Variants in PTPRU observed in about 807,000 individuals in gnomAD.
PTPRU encodes receptor-type tyrosine-protein phosphatase U.
In PTPRU, 69 loss-of-function variants were observed where a neutral mutation model predicts 166.3. The observed-to-expected ratio is 0.41, with a 90% CI of 0.34 to 0.51. The LOEUF (loss-of-function observed/expected upper bound fraction) is 0.51, where lower values mean the gene tolerates loss of function less well. PTPRU is among the 20% of genes least tolerant of loss of function. The probability of loss-of-function intolerance (pLI) is 0.09; values close to 1 mark genes in which losing one functional copy is unlikely to be tolerated. For missense variants in PTPRU, 1,657 were observed against 2,013.7 expected (o/e 0.82, Z 3.39); for synonymous variants, 793 against 814.0 (o/e 0.97, Z 0.44).
At chr1:29,287,367 T>G (rs757545788) in intron 14 of PTPRU, among the ~76,000 whole-genome samples, 1 of 152,076 alleles carries the variant, frequency 6.6e-6, no homozygotes, top group Non-Finnish European at 1.5e-5. Context: ...TACTTACTTG[T>G]AGTGTTTTGC....
chr1:29,302,376 A>G (rs991022406), intron 15 of PTPRU, among the ~76,000 whole-genome samples: 3 of 152,182 alleles, frequency 2.0e-5, no homozygotes, highest in African/African-American at 7.2e-5. Context: ...CTATTTTTAA[A>G]TAAGTGTATT....
chr1:29,293,313 A>T (rs1686729292), intron 15 of PTPRU, among the ~76,000 whole-genome samples: 1 of 151,702 alleles, frequency 6.6e-6, no homozygotes, highest in South Asian at 2.1e-4. Flanking sequence ...GGGTTTCACC[A>T]TGTTAGCCAC....
intron 18 of PTPRU, among the ~76,000 whole-genome samples, chr1:29,309,810 G>C (rs192595983): frequency 6.6e-6 from 1 of 152,342 alleles, no homozygotes; most frequent in African/African-American, 2.4e-5. Context: ...GGAAGTTCAC[G>C]AGACCGGAGG....
intron 15 of PTPRU, among the ~76,000 whole-genome samples, chr1:29,302,927 T>C (rs1442740261): frequency 6.6e-6 from 1 of 152,222 alleles, no homozygotes; most frequent in East Asian, 1.9e-4. Flanking sequence ...TGTGTTATAA[T>C]TGCCTACAGT....
At chr1:29,255,462 C>T in intron 2 of PTPRU, 56 bp downstream of exon 2, 3 of 1,600,780 alleles carry the variant, frequency 1.9e-6, no homozygotes, top group Non-Finnish European at 2.6e-6. Flanking sequence ...GGCACTTCTA[C>T]CCACCTGCTG....
intron 8 of PTPRU, among the ~76,000 whole-genome samples, chr1:29,276,058 A>AT (rs914850269): frequency 1.3e-5 from 2 of 152,102 alleles, no homozygotes; most frequent in Non-Finnish European, 2.9e-5. Context: ...GGATATTCAG[A>AT]TTTTTTTATT....
rs1354822256 is a variant in PTPRU, at chr1:29,280,942, G to C, written c.1868+801G>C. On this transcript the variant is annotated intron_variant, in intron 11 of 29. Coordinates refer to ENST00000373779, the MANE Select transcript of PTPRU (RefSeq NM_133178.4). This position sits in a 1 kb window ranked among gnomAD's most constrained non-coding sequence, Gnocchi z 4.2. ...ATATCGGGAAACTGACTCAGAGCCT[G>C]AATCACTTGCCCTCAAGGCCACACA... is the stretch of plus-strand genomic sequence containing the variant. 6.6e-6 allele frequency among the ~76,000 whole-genome samples: 1 copy of C among 152,194 alleles called. No individual in the cohort carries two copies. Among genetic ancestry groups the C allele is most frequent in the Non-Finnish European group, 1.5e-5 (1 of 68,022 alleles).
chr1:29,315,563 G>C lies in PTPRU; in HGVS notation c.3363+56G>C. 1.9e-6 allele frequency: 3 copies of C among 1,607,538 alleles called. No individual in the cohort carries two copies. The highest frequency in any genetic ancestry group is 2.6e-6 in the Non-Finnish European group (3 of 1,175,480). ...ATTACTTCTAGGACTGGAGTTTCTC[G>C]TGAAGGATCCTGGAGCCGGCAGAGC... is the stretch of plus-strand genomic sequence containing the variant. On this transcript the variant is annotated intron_variant, in intron 23 of 29. Coordinates refer to ENST00000373779, the MANE Select transcript of PTPRU (RefSeq NM_133178.4). The surrounding 1 kb of genome is among the most constrained non-coding windows in gnomAD (Gnocchi z 4.5).
rs772758454 is a variant in PTPRU, at chr1:29,259,536, C to T, written c.647C>T (p.Ala216Val). The change falls in exon 5 of 30, where the codon GCG becomes GTG. Residue 216 changes from alanine to valine, a missense_variant. This residue lies in a region of PTPRU where 453 missense variants were observed against 496.9 expected (regional missense o/e 0.91). Coordinates refer to ENST00000373779, the MANE Select transcript of PTPRU (RefSeq NM_133178.4). ...ASFQCMAAGR[A>V]AEAERFLLQR... Reference sequence around the variant, plus strand: ...TTCCAGTGCATGGCCGCGGGCAGAGCGGCCGAGGCCGAACGCTTCCTCTTG... The same window carrying T: ...TTCCAGTGCATGGCCGCGGGCAGAGTGGCCGAGGCCGAACGCTTCCTCTTG... 1.5e-6 allele frequency: 2 copies of T among 1,353,780 alleles called. No homozygotes were observed. Among genetic ancestry groups the T allele is most frequent in the South Asian group, 2.3e-5 (2 of 87,500 alleles). 83.9% of individuals were successfully genotyped at this position (1,353,780 alleles called of 1,614,324 possible). A position where few individuals can be genotyped will look rare whatever the true frequency, so the allele number is the denominator to read the frequency against.
chr1:29,263,370 A>G (rs1685155604), intron 7 of PTPRU, among the ~76,000 whole-genome samples: 1 of 152,244 alleles, frequency 6.6e-6, no homozygotes, highest in Non-Finnish European at 1.5e-5. Flanking sequence ...GCTTAATAAT[A>G]TTCCATTATA....
In PTPRU at chr1:29,320,764, A is replaced by C. The variant is rs764231520; in HGVS notation, c.3767A>C (p.Tyr1256Ser). Residue 1256 changes from tyrosine (Y) to serine (S), a missense_variant, in exon 26 of 30, where the codon TAC becomes TCC. Physicochemically the swap from Tyr to Ser is moderately radical, Grantham distance 144. This residue lies in a region of PTPRU where 1,190 missense variants were observed against 1,477.4 expected (regional missense o/e 0.81). Transcript: ENST00000373779. This position sits in a 1 kb window ranked among gnomAD's most constrained non-coding sequence, Gnocchi z 5.2. ...STTPDFWRLVYDYGCTSIVML... is the reference protein window; with the variant it reads ...STTPDFWRLVSDYGCTSIVML... Reference sequence around the variant, plus strand: ...ACGCCCGACTTCTGGCGGCTGGTCTACGATTACGGGTGCACCTCCATCGTC... The same window carrying C: ...ACGCCCGACTTCTGGCGGCTGGTCTCCGATTACGGGTGCACCTCCATCGTC... 25 of 1,608,536 alleles carry C rather than the reference A, an allele frequency of 1.6e-5. No individual in the cohort carries two copies. Among genetic ancestry groups the C allele is most frequent in the Admixed American group, 3.3e-5 (2 of 59,766 alleles).
In PTPRU at chr1:29,237,312, G is replaced by A. The variant is rs766054902; in HGVS notation, c.73+595G>A. ...ACGTGTGTGTCCGTGCGCTGTGTAC[G>A]TGTGGGGAGTGTCTAGGGTATGTGG... On this transcript the variant is annotated intron_variant, in intron 1 of 29. Transcript: ENST00000373779. The surrounding 1 kb of genome is among the most constrained non-coding windows in gnomAD (Gnocchi z 6.4). Among the ~76,000 whole-genome samples the A allele has an allele frequency of 9.9e-5, 15 of 152,060 alleles. No homozygotes were observed. Among genetic ancestry groups the A allele is most frequent in the Non-Finnish European group, 2.2e-4 (15 of 68,006 alleles).
chr1:29,287,751 C>T (rs1001893087), intron 14 of PTPRU, among the ~76,000 whole-genome samples: 9 of 149,546 alleles, frequency 6.0e-5, no homozygotes, highest in African/African-American at 2.5e-5. Flanking sequence ...CCCACCACCA[C>T]GCCCAGCTAA....
intron 1 of PTPRU, among the ~76,000 whole-genome samples, chr1:29,245,479 C>A (rs1391819357): frequency 1.3e-5 from 2 of 152,170 alleles, no homozygotes. Flanking sequence ...ACTGTTGCAG[C>A]GTGCCAGGCT....
intron 5 of PTPRU, 38 bp from the exon 6 acceptor site, chr1:29,259,832 C>G (rs774746393): frequency 6.6e-7 from 1 of 1,503,978 alleles, no homozygotes; most frequent in Non-Finnish European, 8.8e-7. Flanking sequence ...ACCCCTCGCT[C>G]CGAGGCGCCC....
chr1:29,325,147 A>G lies in PTPRU; in HGVS notation c.4113-44A>G, dbSNP rs1262001248. The stretch of plus-strand genomic sequence containing the variant: ...GTTCCCTGGCCCTTTTCTTACCTTC[A>G]GGTTCCAAGGCCCCGCCCCTCAGCT... On this transcript the variant is annotated intron_variant, in intron 28 of 29. Coordinates refer to ENST00000373779, the MANE Select transcript of PTPRU (RefSeq NM_133178.4). 3 of 1,607,772 alleles carry G rather than the reference A, an allele frequency of 1.9e-6. No individual in the cohort carries two copies. The South Asian group carries it at 3.3e-5, about 18-fold the overall frequency.
chr1:29,323,216 T>C (rs189201092), intron 26 of PTPRU, 155 bp from the exon 27 acceptor site: 10 of 967,502 alleles, frequency 1.0e-5, no homozygotes, highest in East Asian at 5.5e-5. Context: ...CTGGTGGTGA[T>C]TGGGGGAGCT....
chr1:29,306,437 G>A (rs764733872), intron 18 of PTPRU, among the ~76,000 whole-genome samples: 1 of 152,212 alleles, frequency 6.6e-6, no homozygotes, highest in Non-Finnish European at 1.5e-5. Context: ...TGCTTTCCTT[G>A]AACATATCTA....
chr1:29,249,466 A>G (rs1038296831), intron 1 of PTPRU, among the ~76,000 whole-genome samples: 1 of 152,214 alleles, frequency 6.6e-6, no homozygotes, highest in African/African-American at 2.4e-5. Flanking sequence ...GGTTGATTCA[A>G]TTCACCCTCT....
Sources: gnomAD v4.1 joint callset for allele counts (sites outside exome capture counted in the v4.1 genomes callset) on GRCh38, gnomAD v4.1.1 for gene constraint, gnomAD v4.1.1 regional missense constraint, Gnocchi (gnomAD v3.1) non-coding constraint, MANE v1.5 for transcripts, NCBI Gene and HGNC (gene_info 2026-07-23, HGNC 2026-07-21) for gene names.